Variants in TMEM120B observed in about 807,000 individuals in gnomAD.
TMEM120B encodes transmembrane protein 120B.
Under a neutral mutation model 55.5 loss-of-function variants are expected in TMEM120B, and 31 were observed. The ratio of observed to expected loss-of-function variants is 0.56; its 90% CI spans 0.42 to 0.75. TMEM120B has a LOEUF of 0.75. Ranked by LOEUF, TMEM120B falls within the 30% of genes least tolerant of loss-of-function variation. TMEM120B has a pLI of 0.00. For missense variants in TMEM120B, 399 were observed against 425.5 expected, an observed-to-expected ratio of 0.94 and a Z score of 0.55; for synonymous variants, 203 against 176.3, an observed-to-expected ratio of 1.15 and a Z score of -1.20.
In TMEM120B at chr12:121,769,715, CGTGTGT is replaced by C. The variant is rs63639861; in HGVS notation, c.552-1175_552-1170del. 3.6e-3 allele frequency among the ~76,000 whole-genome samples: 533 copies of C among 148,422 alleles called. 24 individuals are homozygous for C. The East Asian group carries it at 0.089, about 25-fold the overall frequency. On this transcript the variant is annotated intron_variant, in intron 6 of 11. Transcript: ENST00000449592. ...GAGACCCTGCCTGGAAAAGAGAAAA[CGTGTGT>C]GTGTGTGTGTGTGTGTACATGCATG...
intron 1 of TMEM120B, among the ~76,000 whole-genome samples, chr12:121,739,061 C>T (rs181479702): frequency 6.6e-6 from 1 of 152,110 alleles, no homozygotes; most frequent in Admixed American, 6.6e-5. Flanking sequence ...TATGGTGGCA[C>T]CTATAATCCC....
At chr12:121,731,013 A>C (rs1307060533) in intron 1 of TMEM120B, among the ~76,000 whole-genome samples, 1 of 151,876 alleles carries the variant, frequency 6.6e-6, no homozygotes, top group African/African-American at 2.4e-5. Context: ...GGCGGTACCT[A>C]GAGTAGTCAA....
At chr12:121,740,635 G>A (rs1872907405) in intron 1 of TMEM120B, among the ~76,000 whole-genome samples, 1 of 152,062 alleles carries the variant, frequency 6.6e-6, no homozygotes, top group East Asian at 1.9e-4. Flanking sequence ...AGCAGGAGGA[G>A]GAAGAGGAGG....
intron 1 of TMEM120B, among the ~76,000 whole-genome samples, chr12:121,736,065 A>G (rs987152914): frequency 1.3e-5 from 2 of 152,154 alleles, no homozygotes; most frequent in African/African-American, 4.8e-5. Context: ...AGTAACACCA[A>G]ACTTGCAGGG....
At chr12:121,754,923 C>T (rs935428480) in intron 5 of TMEM120B, among the ~76,000 whole-genome samples, 4 of 152,154 alleles carry the variant, frequency 2.6e-5, no homozygotes, top group East Asian at 1.9e-4. Context: ...AGGCAAATGA[C>T]GAACCTCTCC....
intron 3 of TMEM120B, among the ~76,000 whole-genome samples, chr12:121,749,266 C>T (rs1485263441): frequency 6.6e-6 from 1 of 152,204 alleles, no homozygotes; most frequent in African/African-American, 2.4e-5. Flanking sequence ...GCAGAATGAG[C>T]AGCAGCCTAG....
chr12:121,729,989 G>A (rs9804982), intron 1 of TMEM120B, among the ~76,000 whole-genome samples: 61,859 of 151,782 alleles, frequency 0.41, 13,084 homozygotes, highest in African/African-American at 0.53. Context: ...GGCCAGGTGC[G>A]GTGGCTCACG....
Position 121,775,647 on chromosome 12 carries a change from C to G in TMEM120B, c.945C>G (p.Leu315=), listed in dbSNP as rs760962779. The change falls in exon 12 of 12, where the codon CTC becomes CTG. Residue 315 remains leucine, a synonymous_variant. Transcript: ENST00000449592. The surrounding 1 kb of genome is among the most constrained non-coding windows in gnomAD (Gnocchi z 4.3). ...VLAFTFLILF[L]GNFLTTLKVV... is the part of the protein sequence containing the mutation. ...CGTTCACCTTCCTCATCCTCTTCCT[C>G]GGCAACTTCCTGACCACGCTCAAAG... 6.2e-6 allele frequency: 10 copies of G among 1,613,916 alleles called. No individual in the cohort carries two copies. Among genetic ancestry groups the G allele is most frequent in the African/African-American group, 4.0e-5 (3 of 74,914 alleles).
At chr12:121,738,491 C>T (rs537943326) in intron 1 of TMEM120B, among the ~76,000 whole-genome samples, 1 of 152,120 alleles carries the variant, frequency 6.6e-6, no homozygotes, top group Non-Finnish European at 1.5e-5. Context: ...AGGCCAGGGC[C>T]CCGTCTTCCC....
At position 121,753,706 on chromosome 12, in the gene TMEM120B, T is replaced by TA. The variant is rs113442097; in HGVS notation, c.461+1494dup. On this transcript the variant is annotated intron_variant, in intron 5 of 11. Transcript: ENST00000449592. ...ATGTGAATTATATCCCAATTATATT[T>TA]AAAAAAAAAAAGAGAAAAAGAGAAA... 2.4e-3 allele frequency among the ~76,000 whole-genome samples: 356 copies of TA among 147,600 alleles called. 3 individuals carry two copies. The highest frequency in any genetic ancestry group is 6.2e-3 in the African/African-American group (251 of 40,610).
chr12:121,752,445 A>C (rs1441506706), intron 5 of TMEM120B, among the ~76,000 whole-genome samples: 1 of 152,112 alleles, frequency 6.6e-6, no homozygotes, highest in Non-Finnish European at 1.5e-5. Flanking sequence ...AAGGCCTTGT[A>C]CTGTACTAGT....
rs1874257743 is a variant in TMEM120B at position 121,776,637 on chromosome 12, CAGAG to C, written c.*918_*921del. The C allele has an allele frequency of 1.3e-5, 2 of 152,226 alleles. No homozygotes were observed. Among genetic ancestry groups the C allele is most frequent in the Admixed American group, 6.5e-5 (1 of 15,280 alleles). The allele number at this position is 152,226 out of a possible 1,614,324, so 9.4% of individuals were successfully genotyped here. ...GTGAGATTCTGCATTCGACGGGAGGCAGAGAGGCCACCAGGTTTGGCTGAGTGCT... is the reference window on the plus strand; with the variant it reads ...GTGAGATTCTGCATTCGACGGGAGGCAGGCCACCAGGTTTGGCTGAGTGCT... On this transcript the variant is annotated 3_prime_UTR_variant, in exon 12 of 12. Coordinates refer to ENST00000449592, the MANE Select transcript of TMEM120B (RefSeq NM_001080825.2).
intron 1 of TMEM120B, among the ~76,000 whole-genome samples, chr12:121,723,136 C>T (rs908071318): frequency 1.4e-5 from 2 of 142,266 alleles, no homozygotes; most frequent in Non-Finnish European, 3.2e-5. Flanking sequence ...CATGAGCCAC[C>T]GCGCCTGGCT....
intron 1 of TMEM120B, among the ~76,000 whole-genome samples, chr12:121,727,920 C>T (rs1371944173): frequency 6.7e-6 from 1 of 149,630 alleles, no homozygotes; most frequent in Non-Finnish European, 1.5e-5. Context: ...GTCCAAGGTT[C>T]AGAGCTTCTT....
rs1311637242 is a variant in TMEM120B at position 121,771,492 on chromosome 12, A to G, written c.622A>G (p.Asn208Asp). 2 of 1,613,870 alleles carry G rather than the reference A, an allele frequency of 1.2e-6. No individual in the cohort carries two copies. The highest frequency in any genetic ancestry group is 2.2e-5 in the East Asian group (1 of 44,876). Residue 208 changes from asparagine to aspartate, a missense_variant, in exon 8 of 12, where the codon AAT becomes GAT. Coordinates refer to ENST00000449592, the MANE Select transcript of TMEM120B (RefSeq NM_001080825.2). ...FLSGVMLTWPNGPIYQKFRNQ... is the reference protein window; with the variant it reads ...FLSGVMLTWPDGPIYQKFRNQ... ...TTTTTCCTACCTTCTCTCCAGGCCTAATGGACCCATTTATCAGAAGTTTCG... is the reference window on the plus strand; with the variant it reads ...TTTTTCCTACCTTCTCTCCAGGCCTGATGGACCCATTTATCAGAAGTTTCG...
intron 6 of TMEM120B, among the ~76,000 whole-genome samples, chr12:121,765,220 C>T (rs1412617128): frequency 1.3e-5 from 2 of 150,728 alleles, no homozygotes; most frequent in Non-Finnish European, 2.9e-5. Context: ...GCCTCCGCCT[C>T]CTGGGTTCAA....
At chr12:121,742,429 A>G (rs910227081) in intron 1 of TMEM120B, among the ~76,000 whole-genome samples, 8 of 151,230 alleles carry the variant, frequency 5.3e-5, no homozygotes, top group Middle Eastern at 3.4e-3. Flanking sequence ...CTAAAAACAA[A>G]ACAAAACAAA....
In TMEM120B at chr12:121,767,199, C is replaced by T. The variant is rs926376819; in HGVS notation, c.552-3708C>T. 1.4e-4 allele frequency among the ~76,000 whole-genome samples: 22 copies of T among 152,126 alleles called. 1 individual carries two copies. The highest frequency in any genetic ancestry group is 2.1e-4 in the South Asian group (1 of 4,830). ...TGTTTGAGATGGAGTCTCGCTCTGT[C>T]GCCCAGGCTGGAGTGCAGTGGTGCG... On this transcript the variant is annotated intron_variant, in intron 6 of 11. Coordinates refer to ENST00000449592, the MANE Select transcript of TMEM120B (RefSeq NM_001080825.2).
intron 1 of TMEM120B, among the ~76,000 whole-genome samples, chr12:121,717,898 C>T (rs1017159963): frequency 3.9e-5 from 6 of 152,124 alleles, no homozygotes; most frequent in Admixed American, 6.6e-5. Context: ...CCTTGTGATC[C>T]GCCTGCCTCA....
Sources: gnomAD v4.1 joint callset for allele counts (sites outside exome capture counted in the v4.1 genomes callset) on GRCh38, gnomAD v4.1.1 for gene constraint, Gnocchi (gnomAD v3.1) non-coding constraint, MANE v1.5 for transcripts, NCBI Gene and HGNC (gene_info 2026-07-23, HGNC 2026-07-21) for gene names.